The following NIN variants were observed in gnomAD, a reference collection of about 807,000 sequenced individuals.
NIN encodes the protein glycogen synthase kinase 3 beta-interacting protein.
NIN carries 137 observed loss-of-function variants against 257.6 expected under a neutral mutation model. That is an observed-to-expected ratio of 0.53 (90% confidence interval 0.46 to 0.61). The LOEUF is 0.61. Among genes scored for constraint, NIN ranks in the 20% least tolerant of loss-of-function variants. The probability of loss-of-function intolerance (pLI) is 0.00; values close to 1 mark genes in which losing one functional copy is unlikely to be tolerated. For synonymous variants in NIN, 918 were observed against 919.8 expected, an observed-to-expected ratio of 1.00 and a Z score of 0.04; for missense variants, 2,439 against 2,501.2, an observed-to-expected ratio of 0.98 and a Z score of 0.53.
At chr14:50,786,359 A>T (rs2043347242) in intron 5 of NIN, among the ~76,000 whole-genome samples, 1 of 150,828 alleles carries the variant, frequency 6.6e-6, no homozygotes, top group African/African-American at 2.4e-5. Context: ...TCTAGTTAGA[A>T]GATAAATATT....
At position 50,756,501 on chromosome 14, in the gene NIN, T is replaced by C; in HGVS notation, c.4529A>G (p.Glu1510Gly). Residue 1510 changes from glutamate (E) to glycine (G), a missense_variant, in exon 18 of 31, where the codon GAA becomes GGA. By Grantham distance (98) the Glu-to-Gly change is moderately conservative (BLOSUM62 -2). Around this residue, in one of 3 missense-constraint regions of NIN, gnomAD observed 2,043 missense variants for 2,050.2 expected, o/e 1.00. Coordinates refer to ENST00000530997, the MANE Select transcript of NIN (RefSeq NM_020921.4). ...ITCSEMQQKV[E>G]LLRYESEKLQ... ...AAGGTACATACATTACCTCAGAAGT[T>C]CAACTTTTTGCTGCATCTCACTGCA... 6.3e-7 allele frequency: 1 copy of C among 1,598,572 alleles called. No homozygotes were observed. Among genetic ancestry groups the C allele is most frequent in the Non-Finnish European group, 8.5e-7 (1 of 1,173,364 alleles).
intron 9 of NIN, 77 bp from the exon 10 acceptor site, chr14:50,771,545 A>G: frequency 5.3e-6 from 8 of 1,496,228 alleles, no homozygotes; most frequent in Non-Finnish European, 6.4e-6. Context: ...TGTGAAGGCT[A>G]TACAAACTCT....
At chr14:50,788,306 T>G (rs1262756178) in intron 5 of NIN, among the ~76,000 whole-genome samples, 1 of 152,198 alleles carries the variant, frequency 6.6e-6, no homozygotes, top group Non-Finnish European at 1.5e-5. Flanking sequence ...CCAGATGAGC[T>G]CCAAGTCGCT....
intron 21 of NIN, among the ~76,000 whole-genome samples, chr14:50,750,599 T>C (rs1376644792): frequency 6.6e-6 from 1 of 152,194 alleles, no homozygotes; most frequent in African/African-American, 2.4e-5. Context: ...CTGGATAGTA[T>C]CCAGTCAAGA....
Position 50,738,134 on chromosome 14 carries a change from A to T in NIN, c.5775+6T>A. The stretch of plus-strand genomic sequence containing the variant: ...AGATGTACGCCATATATTCTCAAAA[A>T]CTCACCTTCCTGTTAGCAGGAGATT... On this transcript the variant is annotated splice_donor_region_variant and intron_variant, in intron 27 of 30. Transcript: ENST00000530997. 9 of 1,613,572 alleles carry T rather than the reference A, an allele frequency of 5.6e-6. No individual in the cohort carries two copies. The highest frequency in any genetic ancestry group is 7.6e-6 in the Non-Finnish European group (9 of 1,179,808).
At chr14:50,758,701 C>T in intron 17 of NIN, 71 bp from the exon 18 acceptor site, 1 of 1,412,888 alleles carries the variant, frequency 7.1e-7, no homozygotes, top group South Asian at 1.4e-5. Context: ...ACCATTTTCC[C>T]ATGCACTGAG....
At chr14:50,734,137 T>C (rs973619932) in intron 28 of NIN, among the ~76,000 whole-genome samples, 1 of 151,696 alleles carries the variant, frequency 6.6e-6, no homozygotes, top group Non-Finnish European at 1.5e-5. Context: ...TTGCCCAGGC[T>C]GGAGTGCAAT....
At chr14:50,774,486 G>A (rs1395996680) in intron 7 of NIN, among the ~76,000 whole-genome samples, 1 of 152,174 alleles carries the variant, frequency 6.6e-6, no homozygotes. Context: ...TTTGCAAGAA[G>A]CAACAATTCC....
At chr14:50,774,598 T>C (rs1376502563) in intron 7 of NIN, among the ~76,000 whole-genome samples, 1 of 152,214 alleles carries the variant, frequency 6.6e-6, no homozygotes, top group Non-Finnish European at 1.5e-5. Context: ...AAAATAATAT[T>C]TTCCTGGAGG....
chr14:50,790,229 TGA>T (rs1407181702), intron 5 of NIN, among the ~76,000 whole-genome samples: 1 of 152,150 alleles, frequency 6.6e-6, no homozygotes, highest in Non-Finnish European at 1.5e-5. Context: ...TTAATTTTTT[TGA>T]GTTTCGTAGA....
intron 4 of NIN, among the ~76,000 whole-genome samples, chr14:50,805,153 G>A (rs574446108): frequency 8.5e-5 from 13 of 152,310 alleles, no homozygotes; most frequent in African/African-American, 3.1e-4. Context: ...GAACCCTGAA[G>A]TTATGCTTAT....
chr14:50,810,092 G>A (rs972370533), intron 3 of NIN, among the ~76,000 whole-genome samples: 5 of 152,048 alleles, frequency 3.3e-5, no homozygotes, highest in South Asian at 2.1e-4. Context: ...TTAGCTGGGC[G>A]TGGTGGCGGG....
chr14:50,733,095 A>G (rs553902231), intron 28 of NIN, among the ~76,000 whole-genome samples: 19 of 106,856 alleles, frequency 1.8e-4, no homozygotes, highest in Middle Eastern at 4.7e-3. Flanking sequence ...TATAGCATTA[A>G]TAATTTTTTT....
chr14:50,810,538 TAAA>T (rs1221031542), intron 3 of NIN, among the ~76,000 whole-genome samples: 5 of 152,110 alleles, frequency 3.3e-5, no homozygotes, highest in Non-Finnish European at 5.9e-5. Flanking sequence ...AAATATAAAA[TAAA>T]AAGAAGCAAT....
At chr14:50,794,761 TAAA>T (rs900112232) in intron 4 of NIN, among the ~76,000 whole-genome samples, 47 of 124,980 alleles carry the variant, frequency 3.8e-4, no homozygotes, top group Non-Finnish European at 4.0e-4. Context: ...ATTCAGAGGT[TAAA>T]AAAAAAAAAA....
intron 28 of NIN, among the ~76,000 whole-genome samples, chr14:50,733,239 C>G (rs2040809090): frequency 6.6e-6 from 1 of 152,056 alleles, no homozygotes. Flanking sequence ...ATTACAGGCG[C>G]ACACAACCAC....
chr14:50,754,840 T>C lies in NIN; in HGVS notation c.4566A>G (p.Glu1522=). The C allele has an allele frequency of 6.3e-7, 1 of 1,579,280 alleles. No individual in the cohort carries two copies. Among genetic ancestry groups the C allele is most frequent in the Non-Finnish European group, 8.6e-7 (1 of 1,166,032 alleles). The change falls in exon 19 of 31, where the codon GAA becomes GAG. Residue 1522 remains glutamate (E), a synonymous_variant. Coordinates refer to ENST00000530997, the MANE Select transcript of NIN (RefSeq NM_020921.4). ...TAATTTCATTTCTCAAAATAGAATT[T>C]TCCTGTTGAAGCTTTTCAGATTCAT... ...LRYESEKLQQ[E]NSILRNEITT... is the part of the protein sequence containing the mutation.
At position 50,758,583 on chromosome 14, in the gene NIN, G is replaced by A; in HGVS notation, c.2447C>T (p.Ala816Val). Residue 816 changes from alanine to valine, a missense_variant, in exon 18 of 31, where the codon GCC (alanine) becomes GTC (valine). Coordinates refer to ENST00000530997, the MANE Select transcript of NIN (RefSeq NM_020921.4). ...TTTCTGACAATCAGACTGAAACTGGGCTTCTATTTGAGAGGTTCTTCTATT... is the reference window on the plus strand; with the variant it reads ...TTTCTGACAATCAGACTGAAACTGGACTTCTATTTGAGAGGTTCTTCTATT... Reference protein sequence around the residue: ...ECNRRTSQIEAQFQSDCQKVT... With the variant: ...ECNRRTSQIEVQFQSDCQKVT... 1 of 1,602,262 alleles carries A rather than the reference G, an allele frequency of 6.2e-7. No homozygotes were observed. Among genetic ancestry groups the A allele is most frequent in the Non-Finnish European group, 8.5e-7 (1 of 1,175,570 alleles).
chr14:50,759,870 G>A lies in NIN; in HGVS notation c.2386C>T (p.Leu796Phe). The change falls in exon 17 of 31, where the codon CTT becomes TTT. Residue 796 changes from leucine (L) to phenylalanine (F), a missense_variant. Around this residue, in one of 3 missense-constraint regions of NIN, gnomAD observed 2,043 missense variants for 2,050.2 expected, o/e 1.00. Coordinates refer to ENST00000530997, the MANE Select transcript of NIN (RefSeq NM_020921.4). ...KELLEKHQRELQEGREKMETE... is the reference protein window; with the variant it reads ...KELLEKHQREFQEGREKMETE... Reference sequence around the variant, plus strand: ...TCACTTTCTTACCTTCCCTCCTGAAGCTCCCTTTGGTGCTTTTCCAAGAGC... The same window carrying A: ...TCACTTTCTTACCTTCCCTCCTGAAACTCCCTTTGGTGCTTTTCCAAGAGC... 6.2e-7 allele frequency: 1 copy of A among 1,608,780 alleles called. No homozygotes were observed. The highest frequency in any genetic ancestry group is 2.2e-5 in the East Asian group (1 of 44,842).
Sources: allele counts gnomAD v4.1 joint callset (sites outside exome capture counted in the v4.1 genomes callset), GRCh38; gene constraint gnomAD v4.1.1; regional missense constraint gnomAD v4.1.1; transcripts MANE v1.5; gene names NCBI Gene and HGNC (gene_info 2026-07-23, HGNC 2026-07-21).